FHIT: variants seen among roughly 807,000 people sequenced by gnomAD.
FHIT encodes the protein bis(5'-adenosyl)-triphosphatase.
FHIT carries 19 observed loss-of-function variants against 17.9 expected under a neutral mutation model. The ratio of observed to expected loss-of-function variants is 1.06; its 90% confidence interval spans 0.74 to 1.56. The LOEUF is 1.56. Ranked by LOEUF, FHIT falls within the 40% of genes most tolerant of loss-of-function variation. FHIT has a pLI of 0.00. For synonymous variants in FHIT, 81 were observed against 69.7 expected (o/e 1.16, Z -0.81); for missense variants, 248 against 189.2 (o/e 1.31, Z -1.82).
chr3:61,069,483 G>A (rs2034729241), intron 2 of FHIT, among the ~76,000 whole-genome samples: 1 of 152,114 alleles, frequency 6.6e-6, no homozygotes, highest in South Asian at 2.1e-4. Context: ...GGACTGTTAT[G>A]GTAGGTGATA....
chr3:60,633,696 G>T (rs2039505638), intron 4 of FHIT, among the ~76,000 whole-genome samples: 1 of 152,220 alleles, frequency 6.6e-6, no homozygotes, highest in African/African-American at 2.4e-5. Context: ...GTTAGGAAAT[G>T]CTAGCTGACC....
At chr3:61,185,400 C>T (rs1398929043) in intron 2 of FHIT, among the ~76,000 whole-genome samples, 12 of 152,146 alleles carry the variant, frequency 7.9e-5, no homozygotes, top group Non-Finnish European at 2.9e-5. Flanking sequence ...CTCAGGAAAG[C>T]AGTGGCCAAG....
chr3:60,269,214 A>G (rs1398843856), intron 5 of FHIT, among the ~76,000 whole-genome samples: 1 of 152,214 alleles, frequency 6.6e-6, no homozygotes, highest in African/African-American at 2.4e-5. Context: ...AAAAATAAGA[A>G]CTAAGAAGAA....
chr3:60,280,844 A>C (rs1707394327), intron 5 of FHIT, among the ~76,000 whole-genome samples: 2 of 152,204 alleles, frequency 1.3e-5, no homozygotes, highest in Non-Finnish European at 2.9e-5. Flanking sequence ...AAGACAAGAA[A>C]AGGAAAGAAT....
intron 5 of FHIT, among the ~76,000 whole-genome samples, chr3:60,123,999 TATATATATATAGAGAGAGAGAGAGAG>T (rs1559653602): frequency 6.5e-4 from 20 of 30,912 alleles, no homozygotes; most frequent in African/African-American, 2.6e-3. Context: ...TATATATATA[TATATATATATAGAGAGAGAGAGAGAG>T]AGAGAGAGAG....
intron 3 of FHIT, among the ~76,000 whole-genome samples, chr3:61,031,753 C>T (rs557567683): frequency 6.6e-6 from 1 of 152,292 alleles, no homozygotes; most frequent in African/African-American, 2.4e-5. Context: ...GCTTCAAGGC[C>T]TGTGTTCACT....
intron 8 of FHIT, among the ~76,000 whole-genome samples, chr3:59,865,589 C>T (rs766969959): frequency 8.5e-5 from 13 of 152,240 alleles, no homozygotes; most frequent in Non-Finnish European, 1.3e-4. Flanking sequence ...AGAGCCTCTG[C>T]AGGACATAAA....
chr3:60,557,001 C>T (rs970077884), intron 4 of FHIT, among the ~76,000 whole-genome samples: 4 of 152,160 alleles, frequency 2.6e-5, no homozygotes, highest in African/African-American at 4.8e-5. Flanking sequence ...GAGACCATTC[C>T]GTTAGAAAAC....
chr3:60,426,610 A>G (rs1338767138), intron 5 of FHIT, among the ~76,000 whole-genome samples: 1 of 152,092 alleles, frequency 6.6e-6, no homozygotes, highest in East Asian at 1.9e-4. Context: ...AAGCACTACA[A>G]AAACCCTAAA....
Position 60,468,798 on chromosome 3 carries a change from T to C in FHIT, c.103+68062A>G, listed in dbSNP as rs924783689. Among the ~76,000 whole-genome samples, 44 of 152,184 alleles carry C rather than the reference T, an allele frequency of 2.9e-4. 1 individual carries two copies. The highest frequency in any genetic ancestry group is 2.3e-3 in the Admixed American group (35 of 15,282). On this transcript the variant is annotated intron_variant, in intron 5 of 9. Coordinates refer to ENST00000492590, the MANE Select transcript of FHIT (RefSeq NM_002012.4). ...TTTTCTACTTTCAGATAGTTTTTTA[T>C]TACTCATTAACATCCTTTTCTTTCA...
At chr3:60,538,174 G>A (rs903098439) in intron 4 of FHIT, among the ~76,000 whole-genome samples, 1 of 152,120 alleles carries the variant, frequency 6.6e-6, no homozygotes, top group Non-Finnish European at 1.5e-5. Flanking sequence ...ACTCATGAGT[G>A]AACTCCCATT....
chr3:59,887,097 G>C (rs111428354), intron 8 of FHIT, among the ~76,000 whole-genome samples: 1,898 of 152,228 alleles, frequency 0.012, 46 homozygotes, highest in African/African-American at 0.043. Flanking sequence ...TAACAACATG[G>C]AAAGAAAAGC....
chr3:61,008,975 G>A (rs1164118326), intron 3 of FHIT, among the ~76,000 whole-genome samples: 1 of 152,090 alleles, frequency 6.6e-6, no homozygotes, highest in Non-Finnish European at 1.5e-5. Flanking sequence ...ACAGCTACTC[G>A]ATAGTTCACA....
At chr3:60,627,497 G>A (rs1244512316) in intron 4 of FHIT, among the ~76,000 whole-genome samples, 1 of 152,028 alleles carries the variant, frequency 6.6e-6, no homozygotes, top group African/African-American at 2.4e-5. Context: ...TGCAAGGTGA[G>A]TAGTAAGGTC....
chr3:61,130,257 C>T (rs1462084747), intron 2 of FHIT, among the ~76,000 whole-genome samples: 1 of 152,166 alleles, frequency 6.6e-6, no homozygotes, highest in East Asian at 1.9e-4. Context: ...ACTTCCTTTG[C>T]AAAAAGAACC....
At chr3:60,445,039 A>C (rs1025820384) in intron 5 of FHIT, among the ~76,000 whole-genome samples, 7 of 152,126 alleles carry the variant, frequency 4.6e-5, no homozygotes, top group African/African-American at 1.7e-4. Flanking sequence ...CTATGGCCTC[A>C]CCACAGATGT....
At chr3:60,172,242 G>A (rs1281200532) in intron 5 of FHIT, among the ~76,000 whole-genome samples, 1 of 151,996 alleles carries the variant, frequency 6.6e-6, no homozygotes, top group Non-Finnish European at 1.5e-5. Flanking sequence ...AGGCCTAGAA[G>A]AAGTATGGGT....
intron 4 of FHIT, among the ~76,000 whole-genome samples, chr3:60,619,588 G>C (rs2039055966): frequency 1.1e-5 from 1 of 94,062 alleles, no homozygotes; most frequent in Non-Finnish European, 2.1e-5. Flanking sequence ...AGAACAAATG[G>C]ATACCCACAT....
At chr3:60,155,686 G>C (rs6780176) in intron 5 of FHIT, among the ~76,000 whole-genome samples, 115,507 of 152,126 alleles carry the variant, frequency 0.76, 46,182 homozygotes, top group Non-Finnish European at 0.9. Context: ...CAGTCTCCTG[G>C]GTTTTTTTTC....
Sources: gnomAD v4.1 joint callset for allele counts (sites outside exome capture counted in the v4.1 genomes callset) on GRCh38, gnomAD v4.1.1 for gene constraint, MANE v1.5 for transcripts, NCBI Gene and HGNC (gene_info 2026-07-23, HGNC 2026-07-21) for gene names.